Variants in TANGO6 observed in about 807,000 individuals in gnomAD.
The protein encoded by TANGO6 is transport and golgi organization 6 homolog, also known as transport and Golgi organization protein 6 homolog.
A neutral mutation model predicts 114.2 loss-of-function variants in TANGO6; 90 were observed. The ratio of observed to expected loss-of-function variants is 0.79; its 90% CI spans 0.66 to 0.94. TANGO6 has a LOEUF of 0.94. Ranked by LOEUF, TANGO6 falls within the 40% of genes least tolerant of loss-of-function variation. The pLI is 0.00. For synonymous variants in TANGO6, 477 were observed against 509.8 expected (o/e 0.94, Z 0.87); for missense variants, 1,274 against 1,315.3 (o/e 0.97, Z 0.49).
rs971397740 is a variant in TANGO6, at chr16:69,043,321, T to C, written c.3108+2900T>C. On this transcript the variant is annotated intron_variant, in intron 17 of 17. Coordinates refer to ENST00000261778, the MANE Select transcript of TANGO6 (RefSeq NM_024562.2). Reference sequence around the variant, plus strand: ...GTGTGTGTGTGTGTGTGTGTGTGTGTGTAGCAGAGGAAAATGTCTGGTTAG... The same window carrying C: ...GTGTGTGTGTGTGTGTGTGTGTGTGCGTAGCAGAGGAAAATGTCTGGTTAG... Among the ~76,000 whole-genome samples the C allele has an allele frequency of 5.1e-5, 7 of 137,798 alleles. No individual in the cohort carries two copies. The South Asian group carries it at 1.6e-3, about 32-fold the overall frequency. 90.4% of individuals were successfully genotyped at this position (137,798 alleles called of 152,430 possible).
chr16:69,034,706 G>A (rs1959657999), intron 16 of TANGO6: 1 of 152,184 alleles, frequency 6.6e-6, no homozygotes, highest in African/African-American at 2.4e-5. Context: ...TAACTATTGG[G>A]TGATCCAGAT....
chr16:69,003,130 C>T (rs1964058999), intron 15 of TANGO6, among the ~76,000 whole-genome samples: 1 of 150,372 alleles, frequency 6.7e-6, no homozygotes, highest in Non-Finnish European at 1.5e-5. Flanking sequence ...GCCCTTTTTT[C>T]CCCCCTCAAA....
intron 1 of TANGO6, among the ~76,000 whole-genome samples, chr16:68,844,378 C>T (rs769589792): frequency 9.9e-5 from 15 of 152,090 alleles, no homozygotes; most frequent in Non-Finnish European, 2.1e-4. Flanking sequence ...GAACACGGAC[C>T]TAGGCCCGAG....
At chr16:68,989,770 G>T (rs552639690) in intron 15 of TANGO6, among the ~76,000 whole-genome samples, 3 of 152,182 alleles carry the variant, frequency 2.0e-5, no homozygotes, top group Admixed American at 6.5e-5. Flanking sequence ...GGCAATTAAC[G>T]TAGGCTGAAA....
intron 12 of TANGO6, among the ~76,000 whole-genome samples, chr16:68,927,243 C>T (rs2152195714): frequency 6.6e-6 from 1 of 152,310 alleles, no homozygotes; most frequent in Admixed American, 6.5e-5. Context: ...ATCTTCCAGT[C>T]TGTGACCTTG....
intron 15 of TANGO6, among the ~76,000 whole-genome samples, chr16:69,003,016 T>TG (rs1964057793): frequency 6.6e-6 from 1 of 151,790 alleles, no homozygotes; most frequent in Admixed American, 6.6e-5. Flanking sequence ...CACTCCAGCC[T>TG]GGGTGACAGA....
At chr16:68,896,203 C>T (rs1207085455) in intron 7 of TANGO6, among the ~76,000 whole-genome samples, 3 of 152,110 alleles carry the variant, frequency 2.0e-5, no homozygotes, top group African/African-American at 7.2e-5. Flanking sequence ...GACAGGGTTT[C>T]GTCATGTTGG....
chr16:68,954,564 G>A (rs947165922), intron 14 of TANGO6, among the ~76,000 whole-genome samples: 8 of 152,192 alleles, frequency 5.3e-5, no homozygotes, highest in Non-Finnish European at 1.0e-4. Flanking sequence ...CGTGCCTAGC[G>A]AGAAAGTTTT....
At chr16:69,063,723 T>C (rs1184999782) in intron 17 of TANGO6, among the ~76,000 whole-genome samples, 4 of 145,482 alleles carry the variant, frequency 2.7e-5, no homozygotes, top group African/African-American at 9.9e-5. Flanking sequence ...AATCATTAAC[T>C]AGAATGATGG....
intron 16 of TANGO6, among the ~76,000 whole-genome samples, chr16:69,029,107 T>C (rs1033663105): frequency 2.0e-5 from 3 of 152,234 alleles, no homozygotes; most frequent in African/African-American, 7.2e-5. Flanking sequence ...GCATATGATT[T>C]ACTATCCAAA....
At chr16:68,931,980 G>A (rs1963246286) in intron 14 of TANGO6, among the ~76,000 whole-genome samples, 1 of 151,990 alleles carries the variant, frequency 6.6e-6, no homozygotes, top group Non-Finnish European at 1.5e-5. Context: ...TCAGCCTCCT[G>A]AGTACAGGCA....
At chr16:68,876,088 A>C (rs953722320) in intron 5 of TANGO6, among the ~76,000 whole-genome samples, 6 of 152,144 alleles carry the variant, frequency 3.9e-5, no homozygotes, top group African/African-American at 1.4e-4. Context: ...TGCATATGTT[A>C]ATGTATGTAT....
chr16:68,851,104 A>G (rs577606567), intron 1 of TANGO6, among the ~76,000 whole-genome samples: 2 of 151,834 alleles, frequency 1.3e-5, no homozygotes, highest in East Asian at 3.9e-4. Context: ...ATTCATTCCC[A>G]TTTTTACACA....
chr16:69,076,391 C>A (rs571359704), intron 17 of TANGO6, among the ~76,000 whole-genome samples: 10 of 152,238 alleles, frequency 6.6e-5, no homozygotes, highest in Admixed American at 3.9e-4. Flanking sequence ...CGTGCCCAGC[C>A]TCATTTCTTG....
At chr16:68,934,369 A>G (rs945635425) in intron 14 of TANGO6, among the ~76,000 whole-genome samples, 1 of 152,124 alleles carries the variant, frequency 6.6e-6, no homozygotes, top group Non-Finnish European at 1.5e-5. Flanking sequence ...TTCAACAAAA[A>G]TTTTGTATAT....
Position 69,083,657 on chromosome 16 carries a change from C to T in TANGO6, c.3281C>T (p.Pro1094Leu), listed in dbSNP as rs765488720. 1.9e-5 allele frequency: 29 copies of T among 1,556,932 alleles called. No homozygotes were observed. The highest frequency in any genetic ancestry group is 7.8e-5 in the Admixed American group (4 of 51,374). ...QKLEKKIMVL[P>L] is the part of the protein sequence containing the mutation. ...CTGGAGAAGAAGATCATGGTCCTGC[C>T]GTAGACCTGGCTCCAAGGACGTGGA... The change falls in exon 18 of 18, where the codon CCG becomes CTG. Residue 1094 changes from proline to leucine, a missense_variant. Pro to Leu is a moderately conservative substitution (Grantham distance 98, BLOSUM62 -3). This residue lies in a region of TANGO6 where 238 missense variants were observed against 252.9 expected (regional missense o/e 0.94). Coordinates refer to ENST00000261778, the MANE Select transcript of TANGO6 (RefSeq NM_024562.2).
intron 15 of TANGO6, among the ~76,000 whole-genome samples, chr16:68,976,808 T>C (rs1043374048): frequency 6.6e-6 from 1 of 152,246 alleles, no homozygotes; most frequent in Non-Finnish European, 1.5e-5. Context: ...TTATAAAGTA[T>C]AGCTGTTGGT....
chr16:68,984,697 T>G (rs1963874728), intron 15 of TANGO6, among the ~76,000 whole-genome samples: 1 of 152,156 alleles, frequency 6.6e-6, no homozygotes. Flanking sequence ...AATTTTTTTA[T>G]TTTTTGTAGA....
At chr16:69,068,278 G>A (rs1477442581) in intron 17 of TANGO6, among the ~76,000 whole-genome samples, 1 of 152,100 alleles carries the variant, frequency 6.6e-6, no homozygotes, top group Non-Finnish European at 1.5e-5. Flanking sequence ...CCCAGCCTGG[G>A]TACAGAGAGA....
Sources: allele counts gnomAD v4.1 joint callset (sites outside exome capture counted in the v4.1 genomes callset), GRCh38; gene constraint gnomAD v4.1.1; regional missense constraint gnomAD v4.1.1; transcripts MANE v1.5; gene names NCBI Gene and HGNC (gene_info 2026-07-23, HGNC 2026-07-21).